ABHD2: variants seen among roughly 807,000 people sequenced by gnomAD.
The protein encoded by ABHD2 is monoacylglycerol lipase ABHD2.
ABHD2 carries 20 observed loss-of-function variants against 48.1 expected under a neutral mutation model. The observed-to-expected ratio is 0.42, with a 90% CI of 0.29 to 0.60. The LOEUF (loss-of-function observed/expected upper bound fraction) is 0.60. Ranked by LOEUF, ABHD2 falls within the 20% of genes least tolerant of loss-of-function variation. The probability of loss-of-function intolerance (pLI) is 0.24; values close to 1 mark genes in which losing one functional copy is unlikely to be tolerated. For missense variants in ABHD2, 405 were observed against 550.9 expected (o/e 0.74, Z 2.65); for synonymous variants, 209 against 214.2 (o/e 0.98, Z 0.21).
At chr15:89,143,855 G>C (rs983052629) in intron 3 of ABHD2, among the ~76,000 whole-genome samples, 1 of 151,932 alleles carries the variant, frequency 6.6e-6, no homozygotes, top group Non-Finnish European at 1.5e-5. Context: ...GATAGCTATA[G>C]TAATTTCTTT....
chr15:89,191,631 T>C (rs11853898), intron 9 of ABHD2, among the ~76,000 whole-genome samples: 60,373 of 146,830 alleles, frequency 0.41, 12,884 homozygotes, highest in East Asian at 0.66. Context: ...TTTTTTCTTT[T>C]TTTTTTTTTT....
chr15:89,127,737 A>G (rs910994906), intron 3 of ABHD2, among the ~76,000 whole-genome samples: 5 of 141,804 alleles, frequency 3.5e-5, no homozygotes, highest in African/African-American at 7.9e-5. Flanking sequence ...ATATATATAT[A>G]TATGTATATT....
chr15:89,178,606 C>T (rs1302398935), intron 6 of ABHD2, among the ~76,000 whole-genome samples: 6 of 152,216 alleles, frequency 3.9e-5, no homozygotes, highest in Admixed American at 6.5e-5. Context: ...GCCAGCCACC[C>T]GCTTGCTGTA....
intron 1 of ABHD2, among the ~76,000 whole-genome samples, chr15:89,110,479 C>G (rs1458868557): frequency 6.6e-6 from 1 of 152,014 alleles, no homozygotes; most frequent in African/African-American, 2.4e-5. Context: ...ATGAGGACTT[C>G]CTTGCTTAAT....
intron 3 of ABHD2, among the ~76,000 whole-genome samples, chr15:89,147,606 G>C (rs1419237582): frequency 6.6e-6 from 1 of 151,382 alleles, no homozygotes; most frequent in East Asian, 1.9e-4. Context: ...GCCTGCCTCG[G>C]CCTCCCAAAG....
rs952954944 is a variant in ABHD2 at position 89,176,390 on chromosome 15, C to T, written c.722+395C>T. 3.9e-5 allele frequency among the ~76,000 whole-genome samples: 6 copies of T among 152,102 alleles called. No homozygotes were observed. The highest frequency in any genetic ancestry group is 2.6e-4 in the Admixed American group (4 of 15,268). ...AAAGCTGGGCCTTGGGATCCCAGAT[C>T]CCTCCTTCCTGCAAGAGATGAGTCC... On this transcript the variant is annotated intron_variant, in intron 6 of 10. Coordinates refer to ENST00000352732, the MANE Select transcript of ABHD2 (RefSeq NM_152924.5). The surrounding 1 kb of genome is among the most constrained non-coding windows in gnomAD (Gnocchi z 4.5).
chr15:89,056,034 G>A, the ABHD2 span, among the ~76,000 whole-genome samples: 2 of 151,954 alleles, frequency 1.3e-5, no homozygotes, highest in African/African-American at 2.4e-5. Flanking sequence ...AAAATATTTT[G>A]TAGAGACAGA....
chr15:89,159,206 G>A (rs758784419), intron 5 of ABHD2, among the ~76,000 whole-genome samples: 14 of 151,854 alleles, frequency 9.2e-5, no homozygotes, highest in Non-Finnish European at 1.8e-4. Flanking sequence ...GTGAAACCCT[G>A]TGTCTACTAC....
the ABHD2 span, among the ~76,000 whole-genome samples, chr15:89,071,469 G>C: frequency 1.3e-5 from 2 of 152,162 alleles, no homozygotes; most frequent in Admixed American, 6.5e-5. Context: ...TACATACAGG[G>C]GAGAGTCTCC....
At chr15:89,058,922 T>G in the ABHD2 span, among the ~76,000 whole-genome samples, 1 of 151,692 alleles carries the variant, frequency 6.6e-6, no homozygotes, top group East Asian at 1.9e-4. Context: ...TCTCAAGGGA[T>G]GGATAATTCC....
chr15:89,159,530 G>T (rs1005110587), intron 5 of ABHD2, among the ~76,000 whole-genome samples: 1 of 152,162 alleles, frequency 6.6e-6, no homozygotes. Flanking sequence ...ATTTGAGCTG[G>T]GTTCTCAAAG....
chr15:89,065,040 C>A, the ABHD2 span, among the ~76,000 whole-genome samples: 16 of 151,924 alleles, frequency 1.1e-4, no homozygotes, highest in Non-Finnish European at 1.6e-4. Context: ...TACATTCCTC[C>A]CCAAAAATAT....
rs537878692 is a variant in ABHD2, at chr15:89,151,444, T to TTA, written c.195-225_195-224dup. Among the ~76,000 whole-genome samples, 93 of 152,330 alleles carry TTA rather than the reference T, an allele frequency of 6.1e-4. No homozygotes were observed. Among genetic ancestry groups the TTA allele is most frequent in the African/African-American group, 2.1e-3 (86 of 41,574 alleles). On this transcript the variant is annotated intron_variant, in intron 3 of 10. Transcript: ENST00000352732. This position sits in a 1 kb window ranked among gnomAD's most constrained non-coding sequence, Gnocchi z 4.7. ...CAGTTACCCTAAATTGAAATCCTCT[T>TTA]TATATATATGTCCTGGTTGATTTCT...
chr15:89,105,170 T>C (rs1011268351), intron 1 of ABHD2, among the ~76,000 whole-genome samples: 3 of 152,244 alleles, frequency 2.0e-5, no homozygotes, highest in Non-Finnish European at 2.9e-5. Context: ...CCAGTACTAT[T>C]CTTTCAGCAG....
rs1407363830 is a variant in ABHD2, at chr15:89,198,304, TG to T, written c.*2882del. 7.9e-5 allele frequency: 12 copies of T among 152,374 alleles called. No homozygotes were observed. Among genetic ancestry groups the T allele is most frequent in the Admixed American group, 2.6e-4 (4 of 15,306 alleles). 9.4% of individuals were successfully genotyped at this position (152,374 alleles called of 1,614,324 possible). On this transcript the variant is annotated 3_prime_UTR_variant, in exon 11 of 11. Transcript: ENST00000352732. The surrounding 1 kb of genome is among the most constrained non-coding windows in gnomAD (Gnocchi z 5.1). ...TGGGGAGAAGCACCCACATCTCTCC[TG>T]TAGCACTCCGTGTCTCATAAGCAAT...
intron 3 of ABHD2, among the ~76,000 whole-genome samples, chr15:89,127,720 C>CATATATATATATATATATAT (rs1567080056): frequency 8.6e-5 from 6 of 69,762 alleles, no homozygotes; most frequent in African/African-American, 3.3e-4. Flanking sequence ...TATATATATA[C>CATATATATATATATATATAT]ACATATATAT....
the ABHD2 span, among the ~76,000 whole-genome samples, chr15:89,049,386 G>A: frequency 1.3e-5 from 2 of 152,236 alleles, no homozygotes; most frequent in Non-Finnish European, 2.9e-5. Flanking sequence ...ACAGAGGCAG[G>A]CAGGCCTCCT....
intron 5 of ABHD2, among the ~76,000 whole-genome samples, chr15:89,159,401 T>G (rs1344368468): frequency 6.6e-6 from 1 of 151,868 alleles, no homozygotes; most frequent in African/African-American, 2.4e-5. Context: ...TACAATACAG[T>G]GTGATGAGTG....
In ABHD2 at chr15:89,200,654, T is replaced by TAC. The variant is rs2051456830; in HGVS notation, c.*5239_*5240dup. 5.2e-6 allele frequency: 1 copy of TAC among 193,086 alleles called. No individual in the cohort carries two copies. Among genetic ancestry groups the TAC allele is most frequent in the Non-Finnish European group, 1.1e-5 (1 of 88,948 alleles). The allele number at this position is 193,086 out of a possible 1,614,324, so 12.0% of individuals were successfully genotyped here. A position where few individuals can be genotyped will look rare whatever the true frequency, so the allele number is the denominator to read the frequency against. On this transcript the variant is annotated 3_prime_UTR_variant, in exon 11 of 11. Coordinates refer to ENST00000352732, the MANE Select transcript of ABHD2 (RefSeq NM_152924.5). ...TAAAGGCAAAGCCTGTATGACGCTG[T>TAC]ACACACACAAAAAAATGGTCACCGC...
Sources: gnomAD v4.1 joint callset for allele counts (sites outside exome capture counted in the v4.1 genomes callset) on GRCh38, gnomAD v4.1.1 for gene constraint, Gnocchi (gnomAD v3.1) non-coding constraint, MANE v1.5 for transcripts, NCBI Gene and HGNC (gene_info 2026-07-23, HGNC 2026-07-21) for gene names.